SCAI: variants seen among roughly 807,000 people sequenced by gnomAD.
The protein encoded by SCAI is suppressor of cancer cell invasion.
A neutral mutation model predicts 92.2 loss-of-function variants in SCAI; 24 were observed. That is an observed-to-expected ratio of 0.26 (90% confidence interval 0.19 to 0.37). The LOEUF is 0.37. Among genes scored for constraint, SCAI ranks in the 10% least tolerant of loss-of-function variants. The pLI is 1.00. For missense variants in SCAI, 450 were observed against 736.2 expected (o/e 0.61, Z 4.50); for synonymous variants, 261 against 258.6 (o/e 1.01, Z -0.09).
At chr9:125,077,535 A>G (rs1285366161) in intron 2 of SCAI, among the ~76,000 whole-genome samples, 5 of 152,180 alleles carry the variant, frequency 3.3e-5, no homozygotes, top group Non-Finnish European at 7.3e-5. Context: ...ACTATTTTCC[A>G]AAGTGAATGT....
At chr9:124,988,284 T>G (rs1048278358) in intron 14 of SCAI, among the ~76,000 whole-genome samples, 3 of 152,036 alleles carry the variant, frequency 2.0e-5, no homozygotes, top group African/African-American at 4.8e-5. Context: ...CCTCAGAGCT[T>G]CTGATCAGTT....
chr9:124,956,082 A>G (rs899089831), intron 17 of SCAI, among the ~76,000 whole-genome samples: 3 of 152,228 alleles, frequency 2.0e-5, no homozygotes, highest in African/African-American at 7.2e-5. Context: ...ACATTACGAG[A>G]AAAATAAAAA....
intron 9 of SCAI, among the ~76,000 whole-genome samples, chr9:125,012,856 GAACTCAGGATTAAGA>G (rs1832669199): frequency 6.6e-6 from 1 of 152,024 alleles, no homozygotes; most frequent in Non-Finnish European, 1.5e-5. Flanking sequence ...AATCAAACTA[GAACTCAGGATTAAGA>G]AACTCACTCA....
chr9:125,055,985 T>C lies in SCAI; in HGVS notation c.121A>G (p.Ile41Val), dbSNP rs1252854388. 8 of 1,609,360 alleles carry C rather than the reference T, an allele frequency of 5.0e-6. No individual in the cohort carries two copies. Among genetic ancestry groups the C allele is most frequent in the African/African-American group, 2.7e-5 (2 of 74,912 alleles). Reference sequence around the variant, plus strand: ...TCTTCAGCACCTCCAGAGGACATGATTTCTTTAAGAGCAAATTCAGTCCTG... The same window carrying C: ...TCTTCAGCACCTCCAGAGGACATGACTTCTTTAAGAGCAAATTCAGTCCTG... ...RSRTEFALKE[I>V]MSSGGAEDDI... Residue 41 changes from isoleucine to valine, a missense_variant, in exon 3 of 18, where the codon ATC becomes GTC. Coordinates refer to ENST00000336505, the MANE Select transcript of SCAI (RefSeq NM_001144877.3).
intron 15 of SCAI, among the ~76,000 whole-genome samples, 190 bp downstream of exon 15, chr9:124,975,924 G>C (rs556836660): frequency 4.6e-5 from 7 of 152,052 alleles, no homozygotes; most frequent in Admixed American, 2.0e-4. Context: ...AAGGCCTAAC[G>C]GTAGCACATT....
At chr9:125,121,246 G>A (rs186951884) in intron 2 of SCAI, among the ~76,000 whole-genome samples, 1 of 149,730 alleles carries the variant, frequency 6.7e-6, no homozygotes, top group Non-Finnish European at 1.5e-5. Context: ...CCTGCATCCT[G>A]TTTCAGTTGA....
chr9:125,010,064 C>T (rs929552957), intron 9 of SCAI, among the ~76,000 whole-genome samples: 4 of 152,120 alleles, frequency 2.6e-5, no homozygotes, highest in African/African-American at 9.7e-5. Flanking sequence ...CCAAGATGGC[C>T]GAATAGGAAC....
intron 9 of SCAI, among the ~76,000 whole-genome samples, chr9:125,013,638 C>A (rs895487439): frequency 1.3e-5 from 2 of 152,098 alleles, no homozygotes; most frequent in African/African-American, 4.8e-5. Flanking sequence ...GAAACTATTC[C>A]AATCAATAGA....
chr9:125,128,787 G>A (rs1835334843), intron 2 of SCAI, among the ~76,000 whole-genome samples: 1 of 151,450 alleles, frequency 6.6e-6, no homozygotes, highest in Admixed American at 6.6e-5. Flanking sequence ...TTCAGGCCGG[G>A]CACAGTGGCT....
intron 3 of SCAI, among the ~76,000 whole-genome samples, chr9:125,043,733 G>A (rs1421828809): frequency 2.6e-5 from 4 of 152,204 alleles, no homozygotes; most frequent in Non-Finnish European, 5.9e-5. Context: ...CGATTCTCAC[G>A]CCTTAGCCTC....
intron 17 of SCAI, among the ~76,000 whole-genome samples, chr9:124,953,503 G>C (rs1363704369): frequency 6.6e-6 from 1 of 152,122 alleles, no homozygotes; most frequent in Non-Finnish European, 1.5e-5. Context: ...GTGGGCACCT[G>C]TAATCTCAGC....
At chr9:125,093,234 G>A (rs1004837968) in intron 2 of SCAI, among the ~76,000 whole-genome samples, 3 of 152,036 alleles carry the variant, frequency 2.0e-5, no homozygotes, top group Non-Finnish European at 4.4e-5. Context: ...GGTGGTGCAC[G>A]CCTGTAATCC....
chr9:124,976,760 A>C (rs1175449621), intron 14 of SCAI, among the ~76,000 whole-genome samples: 2 of 152,268 alleles, frequency 1.3e-5, no homozygotes, highest in Non-Finnish European at 2.9e-5. Context: ...GTGGTAAAGC[A>C]ACAAGAAAAA....
intron 14 of SCAI, among the ~76,000 whole-genome samples, chr9:124,984,055 A>G (rs888663869): frequency 6.6e-6 from 1 of 152,206 alleles, no homozygotes; most frequent in Non-Finnish European, 1.5e-5. Flanking sequence ...GGGGAGGCAT[A>G]TAATTTTAAG....
In SCAI at chr9:125,019,212, T is replaced by C; in HGVS notation, c.610-7A>G. 1 of 1,471,634 alleles carries C rather than the reference T, an allele frequency of 6.8e-7. No homozygotes were observed. Among genetic ancestry groups the C allele is most frequent in the Non-Finnish European group, 9.4e-7 (1 of 1,069,068 alleles). 91.2% of individuals were successfully genotyped at this position (1,471,634 alleles called of 1,614,324 possible). The stretch of plus-strand genomic sequence containing the variant: ...CAATTTCATCTGACAATTCCTGATT[T>C]TAAAAACATCACAAAAAAGGTTATT... On this transcript the variant is annotated splice_polypyrimidine_tract_variant and splice_region_variant and intron_variant, in intron 7 of 17. Coordinates refer to ENST00000336505, the MANE Select transcript of SCAI (RefSeq NM_001144877.3).
chr9:125,020,805 A>T, intron 6 of SCAI, 36 bp from the exon 7 acceptor site: 1 of 921,374 alleles, frequency 1.1e-6, no homozygotes, highest in South Asian at 1.6e-5. Context: ...TCATTAGATT[A>T]AAAAAGAATG....
rs369268338 is a variant in SCAI, at chr9:125,117,910, T to C, written c.98+24723A>G. 5.3e-5 allele frequency among the ~76,000 whole-genome samples: 8 copies of C among 152,150 alleles called. No individual in the cohort carries two copies. The East Asian group carries it at 9.6e-4, about 18-fold the overall frequency. On this transcript the variant is annotated intron_variant, in intron 2 of 17. Transcript: ENST00000336505. ...GTGCCACTTCCTAGCTGTGTTACTT[T>C]GGGTCAATCACTTTAATTTCCTAAG...
chr9:125,069,570 A>G (rs778065051), intron 2 of SCAI, among the ~76,000 whole-genome samples: 34 of 147,930 alleles, frequency 2.3e-4, no homozygotes, highest in Non-Finnish European at 4.4e-4. Flanking sequence ...CGCCCGCCTC[A>G]GCCTCCCAAA....
At chr9:125,027,177 G>A (rs1832980782) in intron 5 of SCAI, among the ~76,000 whole-genome samples, 1 of 151,966 alleles carries the variant, frequency 6.6e-6, no homozygotes, top group South Asian at 2.1e-4. Flanking sequence ...TTCTTTGAAG[G>A]GACTCTCCAA....
Sources: gnomAD v4.1 joint callset for allele counts (sites outside exome capture counted in the v4.1 genomes callset) on GRCh38, gnomAD v4.1.1 for gene constraint, MANE v1.5 for transcripts, NCBI Gene and HGNC (gene_info 2026-07-23, HGNC 2026-07-21) for gene names.